The following DDHD1 variants were observed in gnomAD, a reference collection of about 807,000 sequenced individuals.
DDHD1 encodes DDHD domain containing 1, also known as phospholipase DDHD1.
In DDHD1, 49 loss-of-function variants were observed where a neutral mutation model predicts 96.4. That is an observed-to-expected ratio of 0.51 (90% CI 0.40 to 0.64). The LOEUF is 0.64. DDHD1 is among the 30% of genes least tolerant of loss of function. The pLI, the probability that DDHD1 is intolerant of heterozygous loss-of-function variation, is 0.00. For missense variants in DDHD1, 1,106 were observed against 1,161.2 expected (o/e 0.95, Z 0.69); for synonymous variants, 442 against 446.5 (o/e 0.99, Z 0.13).
intron 2 of DDHD1, among the ~76,000 whole-genome samples, chr14:53,095,935 A>G (rs1265495082): frequency 1.3e-5 from 2 of 152,162 alleles, no homozygotes; most frequent in Non-Finnish European, 2.9e-5. Context: ...ACATCTGAAT[A>G]TCCTGTTACT....
chr14:53,073,940 C>A, intron 4 of DDHD1, 93 bp from the exon 5 acceptor site: 2 of 1,128,456 alleles, frequency 1.8e-6, no homozygotes, highest in South Asian at 1.5e-5. Context: ...TTAATCATAA[C>A]ACTTCCATTT....
At position 53,040,341 on chromosome 14, in the gene DDHD1, A is replaced by G. The variant is rs967647052; in HGVS notation, c.*6427T>C. On this transcript the variant is annotated 3_prime_UTR_variant, in exon 13 of 13. Coordinates refer to ENST00000673822, the MANE Select transcript of DDHD1 (RefSeq NM_001160148.2). ...TAGTAGAACGGAATGTGGCAGCCACAGCTGATGCATAGGGAGATCTTTCAA... is the reference window on the plus strand; with the variant it reads ...TAGTAGAACGGAATGTGGCAGCCACGGCTGATGCATAGGGAGATCTTTCAA... 2 of 152,204 alleles carry G rather than the reference A, an allele frequency of 1.3e-5. No homozygotes were observed. Among genetic ancestry groups the G allele is most frequent in the Non-Finnish European group, 2.9e-5 (2 of 68,038 alleles). The allele number at this position is 152,204 out of a possible 1,614,324, so 9.4% of individuals were successfully genotyped here.
chr14:53,131,647 ACT>A (rs1177388782), intron 1 of DDHD1, among the ~76,000 whole-genome samples: 2 of 152,142 alleles, frequency 1.3e-5, no homozygotes, highest in African/African-American at 4.8e-5. Flanking sequence ...CCTGAGCTGT[ACT>A]GCCGGAAGGC....
intron 4 of DDHD1, among the ~76,000 whole-genome samples, chr14:53,089,267 C>A (rs1448124211): frequency 6.6e-6 from 1 of 152,098 alleles, no homozygotes; most frequent in Non-Finnish European, 1.5e-5. Flanking sequence ...TCAATGCCAT[C>A]CCCATCAAGC....
chr14:53,092,015 T>A, intron 3 of DDHD1, 83 bp from the exon 4 acceptor site: 1 of 1,381,078 alleles, frequency 7.2e-7, no homozygotes, highest in Non-Finnish European at 9.8e-7. Flanking sequence ...AAAAAAGAAG[T>A]AAAAGGAATA....
intron 6 of DDHD1, 116 bp from the exon 7 acceptor site, chr14:53,063,321 G>C (rs1208929521): frequency 4.1e-6 from 5 of 1,207,524 alleles, no homozygotes; most frequent in Non-Finnish European, 5.7e-6. Flanking sequence ...AATATACCTA[G>C]GTTATTAAAA....
intron 1 of DDHD1, among the ~76,000 whole-genome samples, chr14:53,122,639 G>A (rs1411910795): frequency 1.3e-5 from 2 of 150,186 alleles, no homozygotes; most frequent in East Asian, 2.0e-4. Flanking sequence ...GTGCAGTGGT[G>A]CGATCTTGGC....
intron 4 of DDHD1, among the ~76,000 whole-genome samples, chr14:53,077,131 C>T (rs1885029815): frequency 6.6e-6 from 1 of 152,112 alleles, no homozygotes; most frequent in Non-Finnish European, 1.5e-5. Context: ...TTCTTTGTCC[C>T]GTTTCCTATA....
intron 1 of DDHD1, among the ~76,000 whole-genome samples, chr14:53,118,506 G>A (rs566097470): frequency 1.8e-4 from 28 of 152,184 alleles, no homozygotes; most frequent in African/African-American, 5.8e-4. Flanking sequence ...CAAGAACTTC[G>A]GGACCCATGC....
rs113359422 is a variant in DDHD1, at chr14:53,056,078, T to C, written c.1993-166A>G. On this transcript the variant is annotated intron_variant, in intron 9 of 12. Coordinates refer to ENST00000673822, the MANE Select transcript of DDHD1 (RefSeq NM_001160148.2). Reference sequence around the variant, plus strand: ...TGTATTTCTATTTGTTCACTGTTAATATGCACTTGATCTAATGATGAGATT... The same window carrying C: ...TGTATTTCTATTTGTTCACTGTTAACATGCACTTGATCTAATGATGAGATT... Among the ~76,000 whole-genome samples, 410 of 152,332 alleles carry C rather than the reference T, an allele frequency of 2.7e-3. 3 individuals are homozygous for C. Among genetic ancestry groups the C allele is most frequent in the African/African-American group, 9.6e-3 (398 of 41,570 alleles).
intron 1 of DDHD1, among the ~76,000 whole-genome samples, chr14:53,131,126 C>T (rs1162304000): frequency 1.3e-5 from 2 of 152,140 alleles, no homozygotes; most frequent in East Asian, 3.9e-4. Flanking sequence ...TTTTTAGTTA[C>T]CCTCACCTGC....
rs78389413 is a variant in DDHD1 at position 53,041,873 on chromosome 14, T to A, written c.*4895A>T. ...TTAATCTGAGCTTAAAGCATCAGAT[T>A]ACAGAGGTGTATGTGTGGAGGGGAG... On this transcript the variant is annotated 3_prime_UTR_variant, in exon 13 of 13. Transcript: ENST00000673822. 19,200 of 151,914 alleles carry A rather than the reference T, an allele frequency of 0.13. 1,587 individuals carry two copies. Among genetic ancestry groups the A allele is most frequent in the East Asian group, 0.31 (1,602 of 5,132 alleles). The allele number at this position is 151,914 out of a possible 1,614,324, so 9.4% of individuals were successfully genotyped here.
chr14:53,118,186 TA>T (rs1888695810), intron 1 of DDHD1, among the ~76,000 whole-genome samples: 1 of 152,006 alleles, frequency 6.6e-6, no homozygotes, highest in Non-Finnish European at 1.5e-5. Context: ...CAAAGGTAGA[TA>T]AAACCACAAA....
At chr14:53,125,680 G>A (rs1595226199) in intron 1 of DDHD1, among the ~76,000 whole-genome samples, 1 of 151,574 alleles carries the variant, frequency 6.6e-6, no homozygotes, top group African/African-American at 2.4e-5. Context: ...AGAATCACCT[G>A]AGGAATTAAA....
At chr14:53,136,739 A>T (rs1890267629) in intron 1 of DDHD1, among the ~76,000 whole-genome samples, 1 of 152,222 alleles carries the variant, frequency 6.6e-6, no homozygotes, top group South Asian at 2.1e-4. Flanking sequence ...AGTGGAGATA[A>T]ATTATCCCAT....
rs922402693 is a variant in DDHD1 at position 53,043,643 on chromosome 14, G to A, written c.*3125C>T. ...GGGTTTCACCATGTTGTCCAGGTTG[G>A]TTTTCAACTCTTGGGCTCAAGTAAT... On this transcript the variant is annotated 3_prime_UTR_variant, in exon 13 of 13. Coordinates refer to ENST00000673822, the MANE Select transcript of DDHD1 (RefSeq NM_001160148.2). 1 of 152,106 alleles carries A rather than the reference G, an allele frequency of 6.6e-6. No homozygotes were observed. Among genetic ancestry groups the A allele is most frequent in the Non-Finnish European group, 1.5e-5 (1 of 68,042 alleles). 9.4% of individuals were successfully genotyped at this position (152,106 alleles called of 1,614,324 possible).
At chr14:53,145,730 T>A (rs189056562) in intron 1 of DDHD1, among the ~76,000 whole-genome samples, 1 of 152,278 alleles carries the variant, frequency 6.6e-6, no homozygotes, top group East Asian at 1.9e-4. Flanking sequence ...TCCATTCAGA[T>A]GGAATTTGTA....
chr14:53,049,161 T>G (rs1046427486), intron 12 of DDHD1: 1 of 152,232 alleles, frequency 6.6e-6, no homozygotes, highest in African/African-American at 2.4e-5. Flanking sequence ...ATTTCATTCT[T>G]GTCCTATATT....
chr14:53,062,820 AG>A, intron 7 of DDHD1, 122 bp downstream of exon 7: 1 of 1,014,244 alleles, frequency 9.9e-7, no homozygotes, highest in Non-Finnish European at 1.4e-6. Flanking sequence ...CATGCTATAT[AG>A]TAATCTTTGT....
Sources: allele counts gnomAD v4.1 joint callset (sites outside exome capture counted in the v4.1 genomes callset), GRCh38; gene constraint gnomAD v4.1.1; transcripts MANE v1.5; gene names NCBI Gene and HGNC (gene_info 2026-07-23, HGNC 2026-07-21).